MYO15A: variants seen among roughly 807,000 people sequenced by gnomAD.
The protein encoded by MYO15A is unconventional myosin-XV.
Under a neutral mutation model 394.6 loss-of-function variants are expected in MYO15A, and 308 were observed. The observed-to-expected ratio is 0.78, with a 90% confidence interval of 0.71 to 0.86. The LOEUF (loss-of-function observed/expected upper bound fraction) is 0.86, where lower values mean the gene tolerates loss of function less well. Ranked by LOEUF, MYO15A falls within the 40% of genes least tolerant of loss-of-function variation. The pLI is 0.00. For missense variants in MYO15A, 4,606 were observed against 4,799.1 expected (o/e 0.96, Z 1.19); for synonymous variants, 1,957 against 2,003.8 (o/e 0.98, Z 0.62).
At chr17:18,167,864 G>A (rs1238763993) in intron 62 of MYO15A, 141 bp downstream of exon 62, 9 of 1,353,112 alleles carry the variant, frequency 6.7e-6, no homozygotes, top group Non-Finnish European at 6.1e-6. Context: ...GGAAGGGGCT[G>A]TCCTTGCCTG....
chr17:18,126,385 C>T lies in MYO15A; in HGVS notation c.3795C>T (p.Tyr1265=). The stretch of plus-strand genomic sequence containing the variant: ...GCATCCTGGTGTCGGTGAACCCATA[C>T]CAAATGTTTGGAATCTATGGGCCGG... The part of the protein sequence containing the change: ...IGSILVSVNP[Y]QMFGIYGPEQ... The change falls in exon 5 of 66, where the codon TAC becomes TAT. Residue 1265 remains tyrosine (Y), a synonymous_variant. Transcript: ENST00000647165. The T allele has an allele frequency of 3.1e-6, 5 of 1,614,048 alleles. No homozygotes were observed. Among genetic ancestry groups the T allele is most frequent in the Non-Finnish European group, 4.2e-6 (5 of 1,179,986 alleles).
rs1460913648 is a variant in MYO15A, at chr17:18,132,515, C to T, written c.4269C>T (p.Leu1423=). The part of the protein sequence containing the change: ...YELLAGLPAQ[L]RQAFSLQEAE... ...TGCTGGCCGGGTTGCCTGCCCAGCT[C>T]AGGCAGGCCTTTAGCCTGCAAGAGG... is the stretch of plus-strand genomic sequence containing the variant. The change falls in exon 11 of 66, where the codon CTC becomes CTT. Residue 1423 remains leucine, a synonymous_variant. Coordinates refer to ENST00000647165, the MANE Select transcript of MYO15A (RefSeq NM_016239.4). This position sits in a 1 kb window ranked among gnomAD's most constrained non-coding sequence, Gnocchi z 4.6. 5 of 1,613,746 alleles carry T rather than the reference C, an allele frequency of 3.1e-6. No individual in the cohort carries two copies. The highest frequency in any genetic ancestry group is 2.5e-6 in the Non-Finnish European group (3 of 1,180,040).
Position 18,171,763 on chromosome 17 carries a change from A to T in MYO15A, c.10208A>T (p.Gln3403Leu). 1 of 1,609,682 alleles carries T rather than the reference A, an allele frequency of 6.2e-7. No homozygotes were observed. The highest frequency in any genetic ancestry group is 8.5e-7 in the Non-Finnish European group (1 of 1,179,834). The change falls in exon 63 of 66, where the codon CAG (glutamine) becomes CTG (leucine). Residue 3403 changes from glutamine to leucine, a missense_variant. This residue lies in a region of MYO15A where 2,776 missense variants were observed against 3,109.3 expected (regional missense o/e 0.89). Coordinates refer to ENST00000647165, the MANE Select transcript of MYO15A (RefSeq NM_016239.4). ...QALSPHQARA[Q>L]FLGLLSALPM... Reference sequence around the variant, plus strand: ...CTCAGCCCCCACCAGGCCCGTGCCCAGTTTCTGGGTAAGAGCTGCAGGGCA... The same window carrying T: ...CTCAGCCCCCACCAGGCCCGTGCCCTGTTTCTGGGTAAGAGCTGCAGGGCA...
intron 23 of MYO15A, 85 bp from the exon 24 acceptor site, chr17:18,141,994 G>A: frequency 6.5e-7 from 1 of 1,541,764 alleles, no homozygotes; most frequent in Non-Finnish European, 8.9e-7. Flanking sequence ...TGCCTATTCT[G>A]TCTCCACGGA....
At position 18,145,473 on chromosome 17, in the gene MYO15A, G is replaced by A. The variant is rs1038308276; in HGVS notation, c.6274-399G>A. 5.9e-5 allele frequency among the ~76,000 whole-genome samples: 9 copies of A among 152,262 alleles called. No homozygotes were observed. The East Asian group carries it at 1.7e-3, about 29-fold the overall frequency. ...GCACACTTGTAATCCCAGCACTTTG[G>A]GAGGCCAAGGCAGGCAGATCCCTTG... On this transcript the variant is annotated intron_variant, in intron 29 of 65. Transcript: ENST00000647165.
rs1232809399 is a variant in MYO15A, at chr17:18,112,368, CT to C, written c.-220+3553del. Among the ~76,000 whole-genome samples, 25 of 150,604 alleles carry C rather than the reference CT, an allele frequency of 1.7e-4. No individual in the cohort carries two copies. The East Asian group carries it at 4.1e-3, about 25-fold the overall frequency. On this transcript the variant is annotated intron_variant, in intron 1 of 65. Coordinates refer to ENST00000647165, the MANE Select transcript of MYO15A (RefSeq NM_016239.4). The stretch of plus-strand genomic sequence containing the variant: ...GGTGTTTCCACTCAGTCTCCAATCC[CT>C]TTTTTTTTCCATTTTCACATATACA...
chr17:18,176,177 T>C (rs1010300910), intron 65 of MYO15A, among the ~76,000 whole-genome samples: 1 of 152,228 alleles, frequency 6.6e-6, no homozygotes, highest in Non-Finnish European at 1.5e-5. Flanking sequence ...TTTACGTTGC[T>C]ATAAAGGAAT....
In MYO15A at chr17:18,150,106, T is replaced by TA. The variant is rs1318286511; in HGVS notation, c.7213-322dup. The TA allele has an allele frequency of 7.7e-5, 32 of 414,400 alleles. No individual in the cohort carries two copies. Among genetic ancestry groups the TA allele is most frequent in the Admixed American group, 1.1e-4 (3 of 27,802 alleles). The allele number at this position is 414,400 out of a possible 1,614,324, so 25.7% of individuals were successfully genotyped here. On this transcript the variant is annotated intron_variant, in intron 35 of 65. Coordinates refer to ENST00000647165, the MANE Select transcript of MYO15A (RefSeq NM_016239.4). This position sits in a 1 kb window ranked among gnomAD's most constrained non-coding sequence, Gnocchi z 4.4. ...TCTCACGAGACCCCTCAGGTACCCT[T>TA]ACTCACTCTGGAAACTCCAGAACCC...
chr17:18,130,255 G>A (rs920472358), intron 7 of MYO15A, among the ~76,000 whole-genome samples: 2 of 151,714 alleles, frequency 1.3e-5, no homozygotes, highest in African/African-American at 2.4e-5. Context: ...TAGACGCTGG[G>A]GACTCAGAGA....
chr17:18,161,086 G>T, intron 56 of MYO15A: 1 of 686,174 alleles, frequency 1.5e-6, no homozygotes, highest in Admixed American at 2.0e-5. Flanking sequence ...GAGTCGCAGT[G>T]CTTCCCCTAC....
chr17:18,162,461 G>A (rs2046790247), intron 57 of MYO15A, 124 bp from the exon 58 acceptor site: 3 of 815,112 alleles, frequency 3.7e-6, no homozygotes, highest in South Asian at 1.4e-5. Flanking sequence ...TCAAATGGGG[G>A]AGTAAATGCC....
chr17:18,151,583 A>G, intron 40 of MYO15A, 56 bp downstream of exon 40: 1 of 1,608,314 alleles, frequency 6.2e-7, no homozygotes, highest in Non-Finnish European at 8.5e-7. Context: ...CTGAGTGTCC[A>G]TCATGGCCCA....
intron 55 of MYO15A, 123 bp from the exon 56 acceptor site, chr17:18,159,812 G>C: frequency 6.9e-7 from 1 of 1,445,750 alleles, no homozygotes; most frequent in Non-Finnish European, 9.6e-7. Flanking sequence ...TCATGCTGGT[G>C]GGGAGGGGGC....
chr17:18,171,825 G>A, intron 63 of MYO15A, 54 bp downstream of exon 63: 1 of 1,581,492 alleles, frequency 6.3e-7, no homozygotes, highest in Non-Finnish European at 8.6e-7. Flanking sequence ...TGAGGAGGGT[G>A]GTCATGGAGG....
chr17:18,173,724 G>A (rs2046973979), intron 64 of MYO15A, 57 bp from the exon 65 acceptor site: 2 of 1,611,554 alleles, frequency 1.2e-6, no homozygotes, highest in African/African-American at 2.7e-5. Flanking sequence ...AGGGGTAAGA[G>A]TGGTTGAGAC....
chr17:18,128,764 G>A (rs1289405484), intron 7 of MYO15A, among the ~76,000 whole-genome samples: 1 of 152,138 alleles, frequency 6.6e-6, no homozygotes, highest in East Asian at 1.9e-4. Context: ...TTATAGATGG[G>A]AACACTGAGG....
chr17:18,127,213 A>G (rs369435764), intron 7 of MYO15A, 48 bp downstream of exon 7: 309 of 1,598,462 alleles, frequency 1.9e-4, no homozygotes, highest in Non-Finnish European at 2.6e-4. Flanking sequence ...ACCCTTTGAT[A>G]AGCACACCTC....
intron 62 of MYO15A, among the ~76,000 whole-genome samples, chr17:18,169,160 A>T (rs896592791): frequency 1.3e-3 from 102 of 79,498 alleles, no homozygotes; most frequent in African/African-American, 1.5e-3. Flanking sequence ...ATAATAATAA[A>T]AATAGGCTGG....
chr17:18,131,225 C>T lies in MYO15A; in HGVS notation c.4039-14C>T, dbSNP rs1597777468. 6.2e-7 allele frequency: 1 copy of T among 1,612,388 alleles called. No individual in the cohort carries two copies. The highest frequency in any genetic ancestry group is 1.3e-5 in the African/African-American group (1 of 74,884). ...CCTAGCCCCTCAATTCCCACATCTCCTTCTGGAGTCCAGATCCTGGAGGCA... is the reference window on the plus strand; with the variant it reads ...CCTAGCCCCTCAATTCCCACATCTCTTTCTGGAGTCCAGATCCTGGAGGCA... On this transcript the variant is annotated splice_polypyrimidine_tract_variant and intron_variant, in intron 8 of 65. Transcript: ENST00000647165.
Sources: allele counts gnomAD v4.1 joint callset (sites outside exome capture counted in the v4.1 genomes callset), GRCh38; gene constraint gnomAD v4.1.1; regional missense constraint gnomAD v4.1.1; non-coding constraint Gnocchi (gnomAD v3.1); transcripts MANE v1.5; gene names NCBI Gene and HGNC (gene_info 2026-07-23, HGNC 2026-07-21).